The following ALMS1 variants were observed in gnomAD, a reference collection of about 807,000 sequenced individuals.
ALMS1 encodes the protein ALMS1 centrosome and basal body associated protein.
Under a neutral mutation model 352.2 loss-of-function variants are expected in ALMS1, and 271 were observed. The observed-to-expected ratio is 0.77, with a 90% CI of 0.70 to 0.85. The LOEUF (loss-of-function observed/expected upper bound fraction) is 0.85, where lower values mean the gene tolerates loss of function less well. Among genes scored for constraint, ALMS1 ranks in the 40% least tolerant of loss-of-function variants. ALMS1 has a pLI of 0.00. For missense variants in ALMS1, 5,445 were observed against 4,870.7 expected (o/e 1.12, Z -3.51); for synonymous variants, 1,865 against 1,761.2 (o/e 1.06, Z -1.48).
At chr2:73,437,372 C>T (rs1474866759) in intron 7 of ALMS1, among the ~76,000 whole-genome samples, 1 of 152,176 alleles carries the variant, frequency 6.6e-6, no homozygotes, top group Non-Finnish European at 1.5e-5. Flanking sequence ...GACCCTCACT[C>T]CACCTACAAG....
At chr2:73,461,961 G>C (rs1391618898) in intron 9 of ALMS1, among the ~76,000 whole-genome samples, 1 of 152,070 alleles carries the variant, frequency 6.6e-6, no homozygotes, top group Admixed American at 6.5e-5. Flanking sequence ...TATGTGAAAA[G>C]ACCAAATCTA....
At chr2:73,481,127 T>C (rs1672693792) in intron 9 of ALMS1, among the ~76,000 whole-genome samples, 1 of 152,192 alleles carries the variant, frequency 6.6e-6, no homozygotes, top group African/African-American at 2.4e-5. Flanking sequence ...TTGCTTTTGG[T>C]GTTTTAGACA....
chr2:73,466,637 A>G (rs913247768), intron 9 of ALMS1, among the ~76,000 whole-genome samples: 5 of 152,102 alleles, frequency 3.3e-5, no homozygotes, highest in Admixed American at 6.5e-5. Context: ...AACTTAAAGT[A>G]TAATAATAAT....
chr2:73,539,195 G>C (rs1318363350), intron 12 of ALMS1, among the ~76,000 whole-genome samples: 1 of 152,176 alleles, frequency 6.6e-6, no homozygotes, highest in Non-Finnish European at 1.5e-5. Context: ...ACTTTCAGAG[G>C]AACGATCAGG....
Position 73,572,389 on chromosome 2 carries a change from T to G in ALMS1, c.10512T>G (p.Ser3504Arg), listed in dbSNP as rs921447894. 6.2e-7 allele frequency: 1 copy of G among 1,609,856 alleles called. No homozygotes were observed. Among genetic ancestry groups the G allele is most frequent in the Non-Finnish European group, 8.5e-7 (1 of 1,178,550 alleles). ...TTTGCCATGAATCTTTGGGAAAGAGTGTTTTCATGAGACATTCTTGGAAAG... is the reference window on the plus strand; with the variant it reads ...TTTGCCATGAATCTTTGGGAAAGAGGGTTTTCATGAGACATTCTTGGAAAG... The part of the protein sequence containing the change: ...QDICHESLGK[S>R]VFMRHSWKDF... Residue 3504 changes from serine to arginine, a missense_variant, in exon 16 of 23, where the codon AGT becomes AGG. Coordinates refer to ENST00000613296, the MANE Select transcript of ALMS1 (RefSeq NM_001378454.1).
At chr2:73,603,647 G>A in intron 21 of ALMS1, 1 of 311,170 alleles carries the variant, frequency 3.2e-6, no homozygotes, top group South Asian at 2.9e-5. Context: ...ATCACATGAG[G>A]TTAGGAGTTC....
chr2:73,596,860 C>CTTTTTTTTTTTT (rs70965740), intron 16 of ALMS1, among the ~76,000 whole-genome samples: 40 of 104,246 alleles, frequency 3.8e-4, no homozygotes, highest in East Asian at 6.3e-4. Context: ...CCCTCTACCT[C>CTTTTTTTTTTTT]TTTTTTTTTT....
At chr2:73,516,418 A>G (rs1214241538) in intron 10 of ALMS1, among the ~76,000 whole-genome samples, 1 of 152,242 alleles carries the variant, frequency 6.6e-6, no homozygotes, top group African/African-American at 2.4e-5. Flanking sequence ...CAGAACTACC[A>G]TTCAACTCAG....
At position 73,489,694 on chromosome 2, in the gene ALMS1, A is replaced by T. The variant is rs748760764; in HGVS notation, c.7735A>T (p.Ile2579Phe). The change falls in exon 10 of 23, where the codon ATT becomes TTT. Residue 2579 changes from isoleucine (I) to phenylalanine (F), a missense_variant. Ile to Phe is a conservative substitution (Grantham distance 21). Coordinates refer to ENST00000613296, the MANE Select transcript of ALMS1 (RefSeq NM_001378454.1). ...KPEAVCSHII[I>F]ESHEKGCFRT... is the part of the protein sequence containing the mutation. ...AGAAGCTGTATGTAGTCACATTATT[A>T]TTGAGAGCCATGAAAAGGGATGTTT... is the stretch of plus-strand genomic sequence containing the variant. 2.5e-6 allele frequency: 4 copies of T among 1,613,982 alleles called. No individual in the cohort carries two copies. Among genetic ancestry groups the T allele is most frequent in the Non-Finnish European group, 3.4e-6 (4 of 1,180,018 alleles).
intron 8 of ALMS1, among the ~76,000 whole-genome samples, chr2:73,454,748 G>A (rs1239252230): frequency 6.6e-6 from 1 of 152,086 alleles, no homozygotes; most frequent in Admixed American, 6.6e-5. Flanking sequence ...GTCCCTTGAG[G>A]TTAACTTCCT....
At position 73,558,995 on chromosome 2, in the gene ALMS1, G is replaced by A. The variant is rs770477965; in HGVS notation, c.10237G>A (p.Glu3413Lys). ...AGATTCCAGTGCTGCTGCTGCTGCA[G>A]AGCACTCAGCTCAAGTAGGAGACCC... ...TADSSAAAAA[E>K]HSAQVGDPEM... The change falls in exon 15 of 23, where the codon GAG becomes AAG. Residue 3413 changes from glutamate to lysine, a missense_variant. Physicochemically the swap from Glu to Lys is moderately conservative, Grantham distance 56 (BLOSUM62 1). Coordinates refer to ENST00000613296, the MANE Select transcript of ALMS1 (RefSeq NM_001378454.1). The A allele has an allele frequency of 1.9e-6, 3 of 1,613,840 alleles. No individual in the cohort carries two copies. The highest frequency in any genetic ancestry group is 1.7e-5 in the Admixed American group (1 of 59,982).
At chr2:73,430,598 G>A (rs1671480315) in intron 6 of ALMS1, among the ~76,000 whole-genome samples, 1 of 152,104 alleles carries the variant, frequency 6.6e-6, no homozygotes, top group Non-Finnish European at 1.5e-5. Flanking sequence ...ATATATGATG[G>A]TAGTCCCATA....
At position 73,424,126 on chromosome 2, in the gene ALMS1, C is replaced by T. The variant is rs533468570; in HGVS notation, c.765-304C>T. On this transcript the variant is annotated intron_variant, in intron 4 of 22. Transcript: ENST00000613296. ...AAATGATGACTAGTAAAAAAGTTAA[C>T]GCAGGTTAAATGAAAAATCATGGTA... Among the ~76,000 whole-genome samples, 20 of 152,204 alleles carry T rather than the reference C, an allele frequency of 1.3e-4. No homozygotes were observed. In the South Asian group the frequency reaches 3.7e-3, roughly 28 times the overall value.
At chr2:73,527,416 G>A (rs373851596) in intron 11 of ALMS1, among the ~76,000 whole-genome samples, 34 of 152,050 alleles carry the variant, frequency 2.2e-4, no homozygotes, top group African/African-American at 7.2e-4. Flanking sequence ...TTTCTTTGCT[G>A]GGAGACTTTT....
chr2:73,535,005 G>C (rs922867792), intron 12 of ALMS1, 56 bp downstream of exon 12: 12 of 1,605,280 alleles, frequency 7.5e-6, no homozygotes, highest in African/African-American at 2.7e-5. Context: ...TTGTGTATTG[G>C]CTAGTTGATT....
chr2:73,398,162 T>C (rs527972195), intron 1 of ALMS1, among the ~76,000 whole-genome samples: 2 of 152,352 alleles, frequency 1.3e-5, no homozygotes, highest in South Asian at 4.1e-4. Flanking sequence ...TTTTTGTGTG[T>C]GAAGGATGTC....
At position 73,503,087 on chromosome 2, in the gene ALMS1, CT is replaced by C. The variant is rs888220981; in HGVS notation, c.9539+11598del. ...ATTTCTCCAGTTCTCCCAGTAATGTCTTTTTTTTTATTTTTATTTTTTTATA... is the reference window on the plus strand; with the variant it reads ...ATTTCTCCAGTTCTCCCAGTAATGTCTTTTTTTTATTTTTATTTTTTTATA... On this transcript the variant is annotated intron_variant, in intron 10 of 22. Coordinates refer to ENST00000613296, the MANE Select transcript of ALMS1 (RefSeq NM_001378454.1). Among the ~76,000 whole-genome samples the C allele has an allele frequency of 3.4e-4, 51 of 151,304 alleles. 1 individual carries two copies. The South Asian group carries it at 4.4e-3, about 13-fold the overall frequency.
intron 16 of ALMS1, among the ~76,000 whole-genome samples, chr2:73,582,121 G>A (rs1437705396): frequency 6.6e-6 from 1 of 152,042 alleles, no homozygotes; most frequent in African/African-American, 2.4e-5. Context: ...TTGCACTATT[G>A]CTCTTTGCCC....
At chr2:73,609,290 G>A (rs950576888) in intron 22 of ALMS1, among the ~76,000 whole-genome samples, 4 of 152,190 alleles carry the variant, frequency 2.6e-5, no homozygotes, top group African/African-American at 7.2e-5. Context: ...TGTCAGCATC[G>A]CAGGGCCAGG....
Sources: gnomAD v4.1 joint callset for allele counts (sites outside exome capture counted in the v4.1 genomes callset) on GRCh38, gnomAD v4.1.1 for gene constraint, MANE v1.5 for transcripts, NCBI Gene and HGNC (gene_info 2026-07-23, HGNC 2026-07-21) for gene names.